The following VWA3B variants were observed in gnomAD, a reference collection of about 807,000 sequenced individuals.
VWA3B encodes the protein von Willebrand factor A domain containing 3B.
A neutral mutation model predicts 158.3 loss-of-function variants in VWA3B; 138 were observed. The observed-to-expected ratio is 0.87, with a 90% confidence interval of 0.76 to 1.00. VWA3B has a LOEUF of 1.00. VWA3B is among the 50% of genes least tolerant of loss of function. The pLI is 0.00. For missense variants in VWA3B, 1,555 were observed against 1,565.1 expected, an observed-to-expected ratio of 0.99 and a Z score of 0.11; for synonymous variants, 596 against 587.3, an observed-to-expected ratio of 1.01 and a Z score of -0.21.
chr2:98,121,062 A>G (rs1650791887), intron 4 of VWA3B, among the ~76,000 whole-genome samples: 1 of 152,212 alleles, frequency 6.6e-6, no homozygotes, highest in Non-Finnish European at 1.5e-5. Context: ...TTTCTCATGT[A>G]AACATTGTTT....
At chr2:98,253,882 G>A (rs558583355) in intron 20 of VWA3B, among the ~76,000 whole-genome samples, 4 of 152,240 alleles carry the variant, frequency 2.6e-5, no homozygotes, top group East Asian at 1.9e-4. Flanking sequence ...GTCCAGTGCC[G>A]GGCCTGAATC....
Position 98,154,527 on chromosome 2 carries a change from G to A in VWA3B, c.989-8324G>A, listed in dbSNP as rs138802134. ...AGGGAACCCCTCTGTTCCCACTCCC[G>A]TCTTGGGCTTATGTCTGGCATACCT... On this transcript the variant is annotated intron_variant, in intron 7 of 27. Transcript: ENST00000477737. Among the ~76,000 whole-genome samples, 307 of 152,192 alleles carry A rather than the reference G, an allele frequency of 2.0e-3. 1 individual carries two copies. Among genetic ancestry groups the A allele is most frequent in the African/African-American group, 7.0e-3 (290 of 41,518 alleles).
At chr2:98,201,660 A>G (rs970606988) in intron 12 of VWA3B, among the ~76,000 whole-genome samples, 5 of 152,054 alleles carry the variant, frequency 3.3e-5, no homozygotes, top group Non-Finnish European at 5.9e-5. Context: ...TTGTTAACCA[A>G]TTTCCCTTCT....
chr2:98,098,787 G>A (rs1191311583), intron 2 of VWA3B, among the ~76,000 whole-genome samples: 1 of 151,600 alleles, frequency 6.6e-6, no homozygotes, highest in African/African-American at 2.4e-5. Context: ...TCCTTTTTTT[G>A]TTTCTTACTC....
intron 26 of VWA3B, 67 bp from the exon 27 acceptor site, chr2:98,311,752 G>A: frequency 6.8e-7 from 1 of 1,464,490 alleles, no homozygotes; most frequent in South Asian, 1.5e-5. Flanking sequence ...CGTGGGGATG[G>A]CTTGGACATC....
intron 2 of VWA3B, among the ~76,000 whole-genome samples, chr2:98,098,593 TG>T (rs1682871978): frequency 6.6e-6 from 1 of 152,170 alleles, no homozygotes; most frequent in South Asian, 2.1e-4. Context: ...ATTTTCAGTC[TG>T]TGTGTCCTTA....
At chr2:98,137,073 T>C (rs1676342696) in intron 7 of VWA3B, among the ~76,000 whole-genome samples, 1 of 152,238 alleles carries the variant, frequency 6.6e-6, no homozygotes, top group South Asian at 2.1e-4. Flanking sequence ...GGGTTGCTTC[T>C]ACCTTTTGTC....
chr2:98,263,293 T>C (rs1168715999), intron 21 of VWA3B, among the ~76,000 whole-genome samples: 2 of 152,080 alleles, frequency 1.3e-5, no homozygotes, highest in East Asian at 1.9e-4. Context: ...TCCAGTACTA[T>C]GTTGAATAAA....
intron 8 of VWA3B, among the ~76,000 whole-genome samples, chr2:98,167,886 G>A (rs1057215466): frequency 6.6e-5 from 10 of 152,136 alleles, no homozygotes; most frequent in African/African-American, 2.2e-4. Flanking sequence ...TCAGTCATGG[G>A]GAATAATTAG....
intron 10 of VWA3B, among the ~76,000 whole-genome samples, chr2:98,189,595 T>C (rs890489373): frequency 6.6e-6 from 1 of 152,206 alleles, no homozygotes; most frequent in African/African-American, 2.4e-5. Context: ...CTCAAGTTGG[T>C]TGAGAGTGTC....
intron 19 of VWA3B, among the ~76,000 whole-genome samples, chr2:98,240,087 C>G (rs1685977434): frequency 6.6e-6 from 1 of 152,120 alleles, no homozygotes; most frequent in African/African-American, 2.4e-5. Flanking sequence ...GGAGGCTTCT[C>G]TCACCACTAC....
intron 7 of VWA3B, among the ~76,000 whole-genome samples, chr2:98,142,559 C>T (rs1043891151): frequency 8.5e-5 from 13 of 152,142 alleles, no homozygotes; most frequent in Admixed American, 1.3e-4. Context: ...TTGCAATGAG[C>T]CTGGTATCTG....
chr2:98,230,966 G>A (rs908069595), intron 16 of VWA3B, among the ~76,000 whole-genome samples: 10 of 152,142 alleles, frequency 6.6e-5, no homozygotes, highest in South Asian at 2.1e-4. Context: ...GCTACGGGAC[G>A]CACAAAACCA....
chr2:98,088,896 C>T (rs1003092871), intron 1 of VWA3B, among the ~76,000 whole-genome samples: 2 of 151,884 alleles, frequency 1.3e-5, no homozygotes, highest in African/African-American at 4.8e-5. Context: ...TGGGATTACA[C>T]GTGTGTGTTA....
chr2:98,250,547 T>TA, intron 20 of VWA3B, 111 bp downstream of exon 20: 2 of 907,606 alleles, frequency 2.2e-6, no homozygotes, highest in Non-Finnish European at 3.3e-6. Context: ...AGCAGCTATT[T>TA]AAAAATTGTT....
intron 23 of VWA3B, among the ~76,000 whole-genome samples, chr2:98,297,507 TAAC>T (rs1272117394): frequency 6.6e-6 from 1 of 152,234 alleles, no homozygotes; most frequent in Non-Finnish European, 1.5e-5. Context: ...CCAATTTAAT[TAAC>T]AACATGTATT....
chr2:98,129,220 A>G (rs1478267645), intron 6 of VWA3B, among the ~76,000 whole-genome samples: 2 of 115,996 alleles, frequency 1.7e-5, no homozygotes, highest in East Asian at 5.6e-4. Flanking sequence ...AGAGAGAGAG[A>G]GAGAGTGTGT....
intron 13 of VWA3B, among the ~76,000 whole-genome samples, chr2:98,216,436 T>C (rs916658945): frequency 7.2e-5 from 11 of 152,226 alleles, no homozygotes; most frequent in Non-Finnish European, 1.3e-4. Context: ...ATAAAACTAA[T>C]GGCTAAAGCC....
At chr2:98,166,977 C>T (rs1052114466) in intron 8 of VWA3B, among the ~76,000 whole-genome samples, 5 of 152,164 alleles carry the variant, frequency 3.3e-5, no homozygotes, top group Admixed American at 2.6e-4. Flanking sequence ...CTCTATACCA[C>T]GTGTCCGACC....
Sources: allele counts gnomAD v4.1 joint callset (sites outside exome capture counted in the v4.1 genomes callset), GRCh38; gene constraint gnomAD v4.1.1; transcripts MANE v1.5; gene names NCBI Gene and HGNC (gene_info 2026-07-23, HGNC 2026-07-21).